TRPM3: variants seen among roughly 807,000 people sequenced by gnomAD.
TRPM3 encodes transient receptor potential cation channel subfamily M member 3, also known as long transient receptor potential channel 3.
Under a neutral mutation model 181.2 loss-of-function variants are expected in TRPM3, and 77 were observed. That is an observed-to-expected ratio of 0.42 (90% CI 0.35 to 0.51). TRPM3 has a LOEUF of 0.51. Among genes scored for constraint, TRPM3 ranks in the 20% least tolerant of loss-of-function variants. The pLI, the probability that TRPM3 is intolerant of heterozygous loss-of-function variation, is 0.01. For missense variants in TRPM3, 1,759 were observed against 2,196.7 expected (o/e 0.80, Z 3.98); for synonymous variants, 745 against 796.4 (o/e 0.94, Z 1.09).
intron 1 of TRPM3, among the ~76,000 whole-genome samples, chr9:71,185,496 A>C (rs1395561705): frequency 6.6e-6 from 1 of 152,122 alleles, no homozygotes; most frequent in African/African-American, 2.4e-5. Context: ...TTGGCTGTTT[A>C]GGCCAGGTAA....
intron 1 of TRPM3, among the ~76,000 whole-genome samples, chr9:70,915,589 G>A (rs975503498): frequency 6.6e-6 from 1 of 151,662 alleles, no homozygotes; most frequent in African/African-American, 2.4e-5. Flanking sequence ...ACAGGCATGA[G>A]CCACCACGCC....
At chr9:70,909,701 T>C (rs898514477) in intron 1 of TRPM3, among the ~76,000 whole-genome samples, 1 of 152,170 alleles carries the variant, frequency 6.6e-6, no homozygotes, top group African/African-American at 2.4e-5. Flanking sequence ...TTGAAGATTT[T>C]CAAGGGGCCA....
chr9:70,587,810 G>A (rs1038232633), intron 22 of TRPM3, among the ~76,000 whole-genome samples: 1 of 152,160 alleles, frequency 6.6e-6, no homozygotes, highest in Non-Finnish European at 1.5e-5. Flanking sequence ...TAGCAAACAC[G>A]TGAAGACAAT....
At chr9:71,010,325 C>A (rs1053422576) in intron 1 of TRPM3, among the ~76,000 whole-genome samples, 7 of 151,902 alleles carry the variant, frequency 4.6e-5, no homozygotes, top group African/African-American at 1.7e-4. Context: ...AGTTGCAAAC[C>A]ATGCATCGGA....
intron 5 of TRPM3, among the ~76,000 whole-genome samples, chr9:70,834,632 G>T (rs2094181351): frequency 6.6e-6 from 1 of 152,164 alleles, no homozygotes; most frequent in Non-Finnish European, 1.5e-5. Flanking sequence ...CTTACTCTGG[G>T]GGAAGCCAGT....
intron 7 of TRPM3, chr9:70,776,550 T>C: frequency 1.5e-6 from 1 of 653,976 alleles, no homozygotes; most frequent in South Asian, 1.8e-5. Flanking sequence ...CCTTAAAAAC[T>C]CCATGTAAAT....
chr9:70,817,931 G>T (rs147655237), intron 6 of TRPM3, among the ~76,000 whole-genome samples: 3 of 151,718 alleles, frequency 2.0e-5, no homozygotes, highest in African/African-American at 7.3e-5. Flanking sequence ...TCATGTTGAC[G>T]TTACTAAAAT....
chr9:70,535,370 T>C lies in TRPM3; in HGVS notation c.*583A>G. On this transcript the variant is annotated 3_prime_UTR_variant, in exon 26 of 26. Coordinates refer to ENST00000677713, the MANE Select transcript of TRPM3 (RefSeq NM_001366145.2). ...TTGTTTTTTCTTTATAATGATCAATTACAGAAGTGTTGGCATGAGAAGGAT... is the reference window on the plus strand; with the variant it reads ...TTGTTTTTTCTTTATAATGATCAATCACAGAAGTGTTGGCATGAGAAGGAT... 1 of 1,529,896 alleles carries C rather than the reference T, an allele frequency of 6.5e-7. No individual in the cohort carries two copies. Among genetic ancestry groups the C allele is most frequent in the Non-Finnish European group, 8.9e-7 (1 of 1,128,556 alleles). 94.8% of individuals were successfully genotyped at this position (1,529,896 alleles called of 1,614,324 possible).
chr9:70,983,584 G>A (rs1030882229), intron 1 of TRPM3, among the ~76,000 whole-genome samples: 4 of 152,154 alleles, frequency 2.6e-5, no homozygotes, highest in Admixed American at 2.6e-4. Context: ...CATCACTTGT[G>A]TCTGGCAGAG....
At chr9:70,645,445 A>G (rs2133679655) in intron 9 of TRPM3, among the ~76,000 whole-genome samples, 1 of 152,324 alleles carries the variant, frequency 6.6e-6, no homozygotes, top group East Asian at 1.9e-4. Context: ...CCTGACAAAA[A>G]CAAGCAATGG....
chr9:71,291,992 A>G (rs771296719), intron 1 of TRPM3, among the ~76,000 whole-genome samples: 21 of 152,236 alleles, frequency 1.4e-4, no homozygotes, highest in Middle Eastern at 6.8e-3. Context: ...ACAACAATTA[A>G]GTCAGAAACA....
chr9:70,529,943 T>A lies in TRPM3; in HGVS notation c.*6010A>T, dbSNP rs2040652041. 6.6e-6 allele frequency: 1 copy of A among 152,244 alleles called. No homozygotes were observed. Among genetic ancestry groups the A allele is most frequent in the African/African-American group, 2.4e-5 (1 of 41,452 alleles). 9.4% of individuals were successfully genotyped at this position (152,244 alleles called of 1,614,324 possible). A position where few individuals can be genotyped will look rare whatever the true frequency, so the allele number is the denominator to read the frequency against. On this transcript the variant is annotated 3_prime_UTR_variant, in exon 26 of 26. Transcript: ENST00000677713. The stretch of plus-strand genomic sequence containing the variant: ...CTTTCACCAGTCCAGTTCACACATT[T>A]GTGTTTTCTGGATCCGGCCCCTCCA...
chr9:71,188,480 GATA>G (rs1486269180), intron 1 of TRPM3, among the ~76,000 whole-genome samples: 1 of 151,722 alleles, frequency 6.6e-6, no homozygotes, highest in Admixed American at 6.6e-5. Context: ...TTAATCTGTG[GATA>G]ATATTTTGAT....
intron 1 of TRPM3, among the ~76,000 whole-genome samples, chr9:71,166,219 C>T (rs1369291869): frequency 1.3e-5 from 2 of 152,078 alleles, no homozygotes; most frequent in Admixed American, 6.6e-5. Flanking sequence ...AGTCGGCAGC[C>T]ACAGAAGTCA....
At chr9:70,759,675 C>A (rs999720068) in intron 8 of TRPM3, among the ~76,000 whole-genome samples, 4 of 152,188 alleles carry the variant, frequency 2.6e-5, no homozygotes, top group Non-Finnish European at 4.4e-5. Flanking sequence ...GAGTTCATGT[C>A]TTTTGCAGGG....
chr9:71,179,974 T>A (rs950252837), intron 1 of TRPM3, among the ~76,000 whole-genome samples: 1 of 151,490 alleles, frequency 6.6e-6, no homozygotes, highest in African/African-American at 2.4e-5. Flanking sequence ...ACTACCATGT[T>A]GGAAACCATC....
chr9:70,772,265 C>T (rs898919091), intron 7 of TRPM3, among the ~76,000 whole-genome samples: 3 of 151,932 alleles, frequency 2.0e-5, no homozygotes, highest in Non-Finnish European at 4.4e-5. Flanking sequence ...GTCAAGCACT[C>T]AGGGAGTCTC....
chr9:70,700,652 G>A (rs780277826), intron 8 of TRPM3, among the ~76,000 whole-genome samples: 17 of 152,182 alleles, frequency 1.1e-4, no homozygotes, highest in Admixed American at 8.5e-4. Flanking sequence ...CTTTTTAGAC[G>A]ATAACTGCCA....
intron 9 of TRPM3, among the ~76,000 whole-genome samples, chr9:70,674,193 A>G (rs114764151): frequency 6.6e-6 from 1 of 152,202 alleles, no homozygotes; most frequent in Admixed American, 6.5e-5. Context: ...GCCATAATAC[A>G]TTCAATAAAA....
Sources: gnomAD v4.1 joint callset for allele counts (sites outside exome capture counted in the v4.1 genomes callset) on GRCh38, gnomAD v4.1.1 for gene constraint, MANE v1.5 for transcripts, NCBI Gene and HGNC (gene_info 2026-07-23, HGNC 2026-07-21) for gene names.